GALNT13: variants seen among roughly 807,000 people sequenced by gnomAD.
The protein encoded by GALNT13 is polypeptide N-acetylgalactosaminyltransferase 13.
GALNT13 carries 28 observed loss-of-function variants against 64.2 expected under a neutral mutation model. The ratio of observed to expected loss-of-function variants is 0.44; its 90% CI spans 0.32 to 0.60. The LOEUF (loss-of-function observed/expected upper bound fraction) is 0.60, where lower values mean the gene tolerates loss of function less well. Ranked by LOEUF, GALNT13 falls within the 20% of genes least tolerant of loss-of-function variation. The pLI is 0.05. For missense variants in GALNT13, 577 were observed against 669.8 expected (o/e 0.86, Z 1.53); for synonymous variants, 214 against 224.6 (o/e 0.95, Z 0.42).
the GALNT13 span, among the ~76,000 whole-genome samples, chr2:153,751,589 C>T: frequency 0.84 from 127,972 of 151,754 alleles, 54,838 homozygotes; most frequent in Non-Finnish European, 0.89. Flanking sequence ...AGTGACCTTT[C>T]TCTCTTCTTA....
chr2:153,864,991 T>A, the GALNT13 span, among the ~76,000 whole-genome samples: 3 of 148,880 alleles, frequency 2.0e-5, no homozygotes, highest in Admixed American at 2.0e-4. Flanking sequence ...AACAGAGCCC[T>A]CAGAAATAAC....
intron 4 of GALNT13, among the ~76,000 whole-genome samples, chr2:154,155,538 A>G (rs898861853): frequency 8.2e-4 from 125 of 152,118 alleles, no homozygotes; most frequent in Middle Eastern, 3.4e-3. Flanking sequence ...AATTGTTCTA[A>G]TGCCAGCTTA....
chr2:153,532,468 A>G, the GALNT13 span, among the ~76,000 whole-genome samples: 1 of 152,112 alleles, frequency 6.6e-6, no homozygotes. Flanking sequence ...GTCTACCTCA[A>G]AGGTCTCTGA....
At chr2:153,236,520 C>T in the GALNT13 span, among the ~76,000 whole-genome samples, 37 of 152,140 alleles carry the variant, frequency 2.4e-4, no homozygotes, top group African/African-American at 7.5e-4. Flanking sequence ...TCCCCAAATC[C>T]GAGGACCCTT....
chr2:153,447,596 C>T, the GALNT13 span, among the ~76,000 whole-genome samples: 1 of 152,124 alleles, frequency 6.6e-6, no homozygotes, highest in African/African-American at 2.4e-5. Context: ...TATGCATATG[C>T]CTTACCATAT....
intron 4 of GALNT13, among the ~76,000 whole-genome samples, chr2:154,174,338 C>T (rs1021098320): frequency 6.6e-6 from 1 of 152,030 alleles, no homozygotes; most frequent in Non-Finnish European, 1.5e-5. Context: ...CAGCTCTACT[C>T]TAGGGCACTA....
At chr2:154,187,408 AC>A (rs1275804087) in intron 4 of GALNT13, among the ~76,000 whole-genome samples, 4 of 148,958 alleles carry the variant, frequency 2.7e-5, no homozygotes, top group African/African-American at 2.5e-5. Context: ...ACACACACAC[AC>A]ACACAACTTC....
At chr2:153,847,308 A>T in the GALNT13 span, among the ~76,000 whole-genome samples, 1 of 151,996 alleles carries the variant, frequency 6.6e-6, no homozygotes, top group South Asian at 2.1e-4. Flanking sequence ...AAAGATTCTG[A>T]ATACAAATCT....
the GALNT13 span, among the ~76,000 whole-genome samples, chr2:153,559,537 A>G: frequency 6.6e-6 from 1 of 152,164 alleles, no homozygotes; most frequent in Non-Finnish European, 1.5e-5. Flanking sequence ...CTTTGATAAG[A>G]CATCCTGATT....
the GALNT13 span, among the ~76,000 whole-genome samples, chr2:153,708,738 G>A: frequency 6.6e-6 from 1 of 152,000 alleles, no homozygotes; most frequent in Non-Finnish European, 1.5e-5. Flanking sequence ...TCAATCTACT[G>A]TATACTACAA....
chr2:154,038,461 A>G (rs1019967918), intron 3 of GALNT13, among the ~76,000 whole-genome samples: 1 of 152,174 alleles, frequency 6.6e-6, no homozygotes, highest in African/African-American at 2.4e-5. Flanking sequence ...ATATAAATTC[A>G]TGCATTTATA....
intron 7 of GALNT13, among the ~76,000 whole-genome samples, chr2:154,249,992 T>G (rs988666516): frequency 1.3e-5 from 2 of 152,078 alleles, no homozygotes; most frequent in African/African-American, 4.8e-5. Context: ...ATCTCCTCTA[T>G]CATTCTAGTG....
At chr2:153,345,701 T>G in the GALNT13 span, among the ~76,000 whole-genome samples, 44 of 94,692 alleles carry the variant, frequency 4.6e-4, 2 homozygotes, top group East Asian at 5.2e-3. Flanking sequence ...CTTTCTTTCT[T>G]TCTCTTTCTC....
chr2:153,378,038 A>G, the GALNT13 span, among the ~76,000 whole-genome samples: 1 of 152,186 alleles, frequency 6.6e-6, no homozygotes, highest in Non-Finnish European at 1.5e-5. Context: ...TTGCTGACAA[A>G]TGAAATTTGT....
chr2:153,666,746 T>G, the GALNT13 span, among the ~76,000 whole-genome samples: 6 of 152,134 alleles, frequency 3.9e-5, no homozygotes, highest in Admixed American at 6.5e-5. Context: ...CTCTGGCAAG[T>G]TAAAAGCCAG....
At chr2:153,566,134 T>C in the GALNT13 span, among the ~76,000 whole-genome samples, 1 of 152,086 alleles carries the variant, frequency 6.6e-6, no homozygotes, top group Non-Finnish European at 1.5e-5. Context: ...ATTCAAAATA[T>C]GCTAGATAAT....
the GALNT13 span, among the ~76,000 whole-genome samples, chr2:153,442,588 G>C: frequency 6.6e-6 from 1 of 152,104 alleles, no homozygotes; most frequent in Non-Finnish European, 1.5e-5. Context: ...GGCTTTTCTT[G>C]GTTGATAAAT....
At chr2:154,265,800 A>G (rs1023194054) in intron 8 of GALNT13, among the ~76,000 whole-genome samples, 20 of 152,224 alleles carry the variant, frequency 1.3e-4, no homozygotes, top group African/African-American at 4.3e-4. Flanking sequence ...AAAACTTGAC[A>G]AAGTCATTAC....
At chr2:153,593,947 C>T in the GALNT13 span, among the ~76,000 whole-genome samples, 2 of 152,064 alleles carry the variant, frequency 1.3e-5, no homozygotes, top group African/African-American at 4.8e-5. Flanking sequence ...TTCTTTTTAA[C>T]TCAATAACTT....
Sources: allele counts gnomAD v4.1 joint callset (sites outside exome capture counted in the v4.1 genomes callset), GRCh38; gene constraint gnomAD v4.1.1; transcripts MANE v1.5; gene names NCBI Gene and HGNC (gene_info 2026-07-23, HGNC 2026-07-21).